SMARCA4: variants seen among roughly 807,000 people sequenced by gnomAD.
SMARCA4 encodes SWI/SNF related BAF chromatin remodeling complex subunit ATPase 4.
In SMARCA4, 31 loss-of-function variants were observed where a neutral mutation model predicts 193.9. That is an observed-to-expected ratio of 0.16 (90% CI 0.12 to 0.22). The LOEUF (loss-of-function observed/expected upper bound fraction) is 0.22. SMARCA4 is among the 10% of genes least tolerant of loss of function. The probability of loss-of-function intolerance (pLI) is 1.00; values close to 1 mark genes in which losing one functional copy is unlikely to be tolerated. For missense variants in SMARCA4, 1,148 were observed against 2,296.0 expected, an observed-to-expected ratio of 0.50 and a Z score of 10.22; for synonymous variants, 942 against 933.1, an observed-to-expected ratio of 1.01 and a Z score of -0.17.
chr19:11,014,449 C>G (rs2089164561), intron 16 of SMARCA4, among the ~76,000 whole-genome samples: 1 of 152,244 alleles, frequency 6.6e-6, no homozygotes, highest in Admixed American at 6.5e-5. Flanking sequence ...AGCAGGGCGT[C>G]CTTGTGCACA....
intron 13 of SMARCA4, 34 bp from the exon 14 acceptor site, chr19:11,007,868 T>C (rs1472192960): frequency 6.2e-7 from 1 of 1,611,770 alleles, no homozygotes; most frequent in African/African-American, 1.3e-5. Context: ...CTCTGGGGGA[T>C]GAACTGAGGT....
intron 23 of SMARCA4, among the ~76,000 whole-genome samples, chr19:11,026,920 C>T (rs531205299): frequency 1.3e-5 from 2 of 152,328 alleles, no homozygotes; most frequent in African/African-American, 4.8e-5. Flanking sequence ...TGACTCTAGA[C>T]AGCTTTCTTA....
chr19:11,024,469 C>T (rs2146477576), intron 21 of SMARCA4, 31 bp downstream of exon 21: 2 of 1,417,156 alleles, frequency 1.4e-6, no homozygotes, highest in Non-Finnish European at 2.0e-6. Flanking sequence ...ACTGCATTCC[C>T]CACTGGGTGT....
At chr19:10,969,391 C>T (rs1224424928) in intron 1 of SMARCA4, among the ~76,000 whole-genome samples, 1 of 152,106 alleles carries the variant, frequency 6.6e-6, no homozygotes, top group African/African-American at 2.4e-5. Flanking sequence ...GGATTATGGG[C>T]GTGAGCCACC....
Position 10,984,592 on chromosome 19 carries a change from G to T in SMARCA4, c.222+219G>T, listed in dbSNP as rs1372452829. On this transcript the variant is annotated intron_variant, in intron 2 of 34. Coordinates refer to ENST00000344626, the MANE Select transcript of SMARCA4 (RefSeq NM_003072.5). This position sits in a 1 kb window ranked among gnomAD's most constrained non-coding sequence, Gnocchi z 4.3. ...CTGGCGCATGATCTGGGCCCCGCGGGCACCTGCCCCACCGTTTCCCGCTCC... is the reference window on the plus strand; with the variant it reads ...CTGGCGCATGATCTGGGCCCCGCGGTCACCTGCCCCACCGTTTCCCGCTCC... 2.0e-5 allele frequency among the ~76,000 whole-genome samples: 3 copies of T among 152,272 alleles called. No homozygotes were observed. The highest frequency in any genetic ancestry group is 2.9e-5 in the Non-Finnish European group (2 of 68,044).
intron 30 of SMARCA4, among the ~76,000 whole-genome samples, chr19:11,044,199 G>A (rs1174910438): frequency 3.3e-5 from 5 of 152,018 alleles, no homozygotes; most frequent in African/African-American, 4.8e-5. Context: ...CCCCACACAC[G>A]CACACACCAT....
intron 24 of SMARCA4, 31 bp downstream of exon 24, chr19:11,027,981 A>G (rs760383960): frequency 4.3e-6 from 7 of 1,611,856 alleles, no homozygotes; most frequent in South Asian, 1.1e-5. Context: ...CGTTTCTTAC[A>G]GGGTTTTGTT....
intron 1 of SMARCA4, among the ~76,000 whole-genome samples, chr19:10,971,299 C>G (rs1412868313): frequency 6.6e-6 from 1 of 152,194 alleles, no homozygotes; most frequent in Non-Finnish European, 1.5e-5. Context: ...AGTCCAGGGC[C>G]TTTGCACTTG....
At position 11,033,894 on chromosome 19, in the gene SMARCA4, C is replaced by T. The variant is rs1343180243; in HGVS notation, c.3873+29C>T. On this transcript the variant is annotated intron_variant, in intron 27 of 34. Coordinates refer to ENST00000344626, the MANE Select transcript of SMARCA4 (RefSeq NM_003072.5). This position sits in a 1 kb window ranked among gnomAD's most constrained non-coding sequence, Gnocchi z 9.8. Reference sequence around the variant, plus strand: ...AGAGGGGTAGTTCAGTCTCCATGCCCATTCAATCCTCGGCTTCTCGGCTGA... The same window carrying T: ...AGAGGGGTAGTTCAGTCTCCATGCCTATTCAATCCTCGGCTTCTCGGCTGA... 1.0e-5 allele frequency: 8 copies of T among 774,568 alleles called. No individual in the cohort carries two copies. The highest frequency in any genetic ancestry group is 1.9e-5 in the Non-Finnish European group (8 of 417,390). The allele number at this position is 774,568 out of a possible 1,614,324, so 48.0% of individuals were successfully genotyped here.
chr19:11,036,025 T>C (rs2075249422), intron 29 of SMARCA4, among the ~76,000 whole-genome samples: 1 of 152,232 alleles, frequency 6.6e-6, no homozygotes, highest in African/African-American at 2.4e-5. Context: ...GCCTAGCCCA[T>C]GTGGCCAAAC....
chr19:11,039,057 ATT>A (rs1466545498), intron 29 of SMARCA4, among the ~76,000 whole-genome samples: 1 of 152,096 alleles, frequency 6.6e-6, no homozygotes, highest in East Asian at 1.9e-4. Context: ...CTTTGTCTCT[ATT>A]AAAAAAAAAA....
intron 8 of SMARCA4, among the ~76,000 whole-genome samples, chr19:10,994,090 A>G (rs2145923274): frequency 6.6e-6 from 1 of 151,878 alleles, no homozygotes; most frequent in East Asian, 1.9e-4. Flanking sequence ...CCCAGGCTGG[A>G]GTACAGTGGT....
chr19:11,020,009 C>T (rs1478762894), intron 18 of SMARCA4, among the ~76,000 whole-genome samples: 1 of 152,246 alleles, frequency 6.6e-6, no homozygotes, highest in Non-Finnish European at 1.5e-5. Flanking sequence ...GACCCGCCTA[C>T]AGAGTCCCCA....
chr19:10,983,775 G>C (rs1341597108), intron 1 of SMARCA4: 5 of 347,046 alleles, frequency 1.4e-5, no homozygotes, highest in Non-Finnish European at 2.2e-5. Flanking sequence ...CTTTCTGTTA[G>C]GAAGATAAGC....
rs369368895 is a variant in SMARCA4, at chr19:11,003,416, G to C, written c.2001+19G>C. On this transcript the variant is annotated intron_variant, in intron 13 of 34. Coordinates refer to ENST00000344626, the MANE Select transcript of SMARCA4 (RefSeq NM_003072.5). ...GGAAGAGGTAAGAGTGCATTTCCTG[G>C]CTTTCAAGGCTCTCAGTGCCCACTG... is the stretch of plus-strand genomic sequence containing the variant. The C allele has an allele frequency of 6.8e-6, 11 of 1,608,502 alleles. No homozygotes were observed. The African/African-American group carries it at 1.2e-4, about 18-fold the overall frequency.
chr19:11,023,890 C>T (rs372879081), intron 20 of SMARCA4, among the ~76,000 whole-genome samples: 7 of 152,228 alleles, frequency 4.6e-5, no homozygotes, highest in Admixed American at 1.3e-4. Context: ...GGTGCCTGTG[C>T]GGGCTCTCCT....
intron 13 of SMARCA4, among the ~76,000 whole-genome samples, chr19:11,004,665 A>G (rs1273389648): frequency 6.6e-6 from 1 of 152,110 alleles, no homozygotes; most frequent in East Asian, 1.9e-4. Flanking sequence ...TTGCATTTTC[A>G]GCTAGTATGA....
chr19:11,023,154 T>C lies in SMARCA4; in HGVS notation c.2860-364T>C, dbSNP rs150873593. 7.6e-4 allele frequency among the ~76,000 whole-genome samples: 116 copies of C among 152,240 alleles called. 1 individual carries two copies. Among genetic ancestry groups the C allele is most frequent in the African/African-American group, 2.5e-3 (105 of 41,540 alleles). On this transcript the variant is annotated intron_variant, in intron 19 of 34. Coordinates refer to ENST00000344626, the MANE Select transcript of SMARCA4 (RefSeq NM_003072.5). ...GTGGTCAGCCTGGCCCCTGCAGCGC[T>C]CCTGGCATGAGCTTGGCGTGGGGTG...
At chr19:11,029,823 G>A (rs1270428983) in intron 24 of SMARCA4, among the ~76,000 whole-genome samples, 3 of 152,098 alleles carry the variant, frequency 2.0e-5, no homozygotes, top group African/African-American at 4.8e-5. Flanking sequence ...ACAGGCGCCC[G>A]CCACTACGCC....
Sources: gnomAD v4.1 joint callset for allele counts (sites outside exome capture counted in the v4.1 genomes callset) on GRCh38, gnomAD v4.1.1 for gene constraint, Gnocchi (gnomAD v3.1) non-coding constraint, MANE v1.5 for transcripts, NCBI Gene and HGNC (gene_info 2026-07-23, HGNC 2026-07-21) for gene names.